CNTNAP2: variants seen among roughly 807,000 people sequenced by gnomAD.
CNTNAP2 encodes contactin associated protein 2, also known as contactin-associated protein-like 2.
Under a neutral mutation model 155.2 loss-of-function variants are expected in CNTNAP2, and 98 were observed. The ratio of observed to expected loss-of-function variants is 0.63; its 90% confidence interval spans 0.54 to 0.75. The LOEUF (loss-of-function observed/expected upper bound fraction) is 0.75, where lower values mean the gene tolerates loss of function less well. Among genes scored for constraint, CNTNAP2 ranks in the 30% least tolerant of loss-of-function variants. The probability of loss-of-function intolerance (pLI) is 0.00; values close to 1 mark genes in which losing one functional copy is unlikely to be tolerated. For synonymous variants in CNTNAP2, 651 were observed against 631.2 expected, an observed-to-expected ratio of 1.03 and a Z score of -0.47; for missense variants, 1,727 against 1,688.1, an observed-to-expected ratio of 1.02 and a Z score of -0.40.
intron 1 of CNTNAP2, among the ~76,000 whole-genome samples, chr7:146,692,615 A>G (rs1201662026): frequency 1.3e-5 from 2 of 152,166 alleles, no homozygotes; most frequent in African/African-American, 4.8e-5. Flanking sequence ...ACCCTTGAGG[A>G]GCAAATCTCA....
chr7:146,883,010 T>A (rs557453698), intron 3 of CNTNAP2, among the ~76,000 whole-genome samples: 1 of 152,172 alleles, frequency 6.6e-6, no homozygotes, highest in Non-Finnish European at 1.5e-5. Context: ...ATTTACAGAT[T>A]CAAACCTATT....
chr7:147,538,923 A>G (rs1285721410), intron 11 of CNTNAP2, among the ~76,000 whole-genome samples: 1 of 152,114 alleles, frequency 6.6e-6, no homozygotes. Flanking sequence ...AAAATTTTTG[A>G]ACCGTCAGTA....
intron 13 of CNTNAP2, among the ~76,000 whole-genome samples, chr7:147,658,462 G>T (rs1342861778): frequency 1.3e-5 from 2 of 152,164 alleles, no homozygotes; most frequent in Non-Finnish European, 1.5e-5. Context: ...GGAGAGGAGG[G>T]TCTGGCCACC....
intron 8 of CNTNAP2, among the ~76,000 whole-genome samples, chr7:147,227,556 T>A (rs965725382): frequency 4.6e-5 from 7 of 152,172 alleles, no homozygotes; most frequent in African/African-American, 1.7e-4. Flanking sequence ...GGACTCTGAA[T>A]ACGACGTGTT....
intron 11 of CNTNAP2, among the ~76,000 whole-genome samples, chr7:147,559,276 G>A (rs749811468): frequency 1.3e-5 from 2 of 152,198 alleles, no homozygotes; most frequent in African/African-American, 2.4e-5. Context: ...TGAGGTAAGC[G>A]AGCTCCTGTG....
At chr7:147,366,781 G>GCACACACACA (rs71182194) in intron 9 of CNTNAP2, among the ~76,000 whole-genome samples, 33 of 105,960 alleles carry the variant, frequency 3.1e-4, no homozygotes, top group African/African-American at 7.2e-4. Flanking sequence ...TTTGTTGCAC[G>GCACACACACA]CACACACACA....
chr7:147,547,264 C>T (rs756246631), intron 11 of CNTNAP2, among the ~76,000 whole-genome samples: 2 of 152,132 alleles, frequency 1.3e-5, no homozygotes, highest in Non-Finnish European at 2.9e-5. Context: ...TTATCCTTTC[C>T]TTCAACTCAT....
At chr7:146,371,365 G>GTTTTTTTTTTTTTTTTTTTTTTTTTTTTT in intron 1 of CNTNAP2, among the ~76,000 whole-genome samples, 2 of 98,538 alleles carry the variant, frequency 2.0e-5, no homozygotes, top group Non-Finnish European at 3.7e-5. Flanking sequence ...GCCAGTATTA[G>GTTTTTTTTTTTTTTTTTTTTTTTTTTTTT]TTTTTTTTTT....
At chr7:147,045,039 G>A (rs763689941) in intron 4 of CNTNAP2, among the ~76,000 whole-genome samples, 18 of 152,018 alleles carry the variant, frequency 1.2e-4, no homozygotes, top group African/African-American at 1.7e-4. Context: ...TTTAATCTAC[G>A]AACACGTGAT....
chr7:146,457,204 A>T (rs1257656464), intron 1 of CNTNAP2, among the ~76,000 whole-genome samples: 2 of 149,592 alleles, frequency 1.3e-5, no homozygotes, highest in African/African-American at 2.5e-5. Context: ...GCAGTCACAG[A>T]CGTATTTTTA....
Position 146,931,434 on chromosome 7 carries a change from G to A in CNTNAP2, c.402+91530G>A, listed in dbSNP as rs529908021. Among the ~76,000 whole-genome samples the A allele has an allele frequency of 6.7e-5, 10 of 148,986 alleles. No homozygotes were observed. In the South Asian group the frequency reaches 1.3e-3, roughly 19 times the overall value. On this transcript the variant is annotated intron_variant, in intron 3 of 23. Transcript: ENST00000361727. ...CCAGAATCTCTGGGACGCATTCAAA[G>A]CAGTGTGTAGAGGGAAATTTATAGC...
intron 11 of CNTNAP2, among the ~76,000 whole-genome samples, chr7:147,501,876 T>C (rs993030709): frequency 6.6e-6 from 1 of 152,160 alleles, no homozygotes; most frequent in African/African-American, 2.4e-5. Flanking sequence ...TTCAGTAAAG[T>C]GGCAGTATAC....
intron 13 of CNTNAP2, among the ~76,000 whole-genome samples, chr7:147,839,893 G>A (rs976566447): frequency 8.6e-5 from 13 of 151,794 alleles, no homozygotes; most frequent in Non-Finnish European, 8.8e-5. Flanking sequence ...ATGTGTGTGT[G>A]TGTGTATATA....
chr7:147,287,949 T>C (rs150870437), intron 8 of CNTNAP2, among the ~76,000 whole-genome samples: 99 of 152,260 alleles, frequency 6.5e-4, no homozygotes, highest in African/African-American at 2.3e-3. Context: ...TCCTAATAGA[T>C]GTCCTTACCT....
At chr7:147,337,063 C>G (rs1267953305) in intron 9 of CNTNAP2, among the ~76,000 whole-genome samples, 1 of 152,072 alleles carries the variant, frequency 6.6e-6, no homozygotes, top group Non-Finnish European at 1.5e-5. Context: ...AATATTAAAA[C>G]TTTTATTTTT....
chr7:147,368,101 C>CACAT (rs1428328703), intron 9 of CNTNAP2, among the ~76,000 whole-genome samples: 2 of 69,472 alleles, frequency 2.9e-5, no homozygotes, highest in Non-Finnish European at 6.8e-5. Flanking sequence ...CTCTGTCACA[C>CACAT]ACACACACAC....
intron 3 of CNTNAP2, among the ~76,000 whole-genome samples, chr7:147,012,496 C>T (rs1034500044): frequency 6.6e-6 from 1 of 151,990 alleles, no homozygotes; most frequent in East Asian, 1.9e-4. Flanking sequence ...CTTTTGAAAA[C>T]GTACTAATAT....
At chr7:147,283,793 G>A (rs1805109374) in intron 8 of CNTNAP2, among the ~76,000 whole-genome samples, 1 of 151,694 alleles carries the variant, frequency 6.6e-6, no homozygotes, top group Non-Finnish European at 1.5e-5. Flanking sequence ...TCTACAACTT[G>A]GCGTTAAATC....
chr7:147,137,794 G>A (rs911448469), intron 8 of CNTNAP2, among the ~76,000 whole-genome samples: 1 of 151,654 alleles, frequency 6.6e-6, no homozygotes, highest in Non-Finnish European at 1.5e-5. Flanking sequence ...CACCATCTAT[G>A]TAATTTTAAA....
Sources: gnomAD v4.1 joint callset for allele counts (sites outside exome capture counted in the v4.1 genomes callset) on GRCh38, gnomAD v4.1.1 for gene constraint, MANE v1.5 for transcripts, NCBI Gene and HGNC (gene_info 2026-07-23, HGNC 2026-07-21) for gene names.